The following PCSK6 variants were observed in gnomAD, a reference collection of about 807,000 sequenced individuals.
PCSK6 encodes the protein proprotein convertase subtilisin/kexin type 6, also known as paired basic amino acid cleaving enzyme 4.
Under a neutral mutation model 123.3 loss-of-function variants are expected in PCSK6, and 85 were observed. The ratio of observed to expected loss-of-function variants is 0.69; its 90% CI spans 0.58 to 0.83. The LOEUF (loss-of-function observed/expected upper bound fraction) is 0.83. Among genes scored for constraint, PCSK6 ranks in the 40% least tolerant of loss-of-function variants. The pLI, the probability that PCSK6 is intolerant of heterozygous loss-of-function variation, is 0.00. For missense variants in PCSK6, 1,191 were observed against 1,282.3 expected (o/e 0.93, Z 1.09); for synonymous variants, 508 against 516.0 (o/e 0.98, Z 0.21).
chr15:101,476,074 C>A (rs1050338330), intron 1 of PCSK6, among the ~76,000 whole-genome samples: 1 of 152,188 alleles, frequency 6.6e-6, no homozygotes, highest in Non-Finnish European at 1.5e-5. Flanking sequence ...CTGGCACCTA[C>A]AAGTTGTGTA....
At chr15:101,389,619 T>A in intron 8 of PCSK6, 55 bp from the exon 9 acceptor site, 1 of 1,446,414 alleles carries the variant, frequency 6.9e-7, no homozygotes, top group Non-Finnish European at 9.6e-7. Context: ...TAACTCACTC[T>A]GTGGAGAAGG....
At chr15:101,453,300 G>C (rs529490221) in intron 1 of PCSK6, among the ~76,000 whole-genome samples, 1 of 152,160 alleles carries the variant, frequency 6.6e-6, no homozygotes, top group Non-Finnish European at 1.5e-5. Context: ...TGTGCCCAGG[G>C]CCCATACCTC....
At chr15:101,444,925 C>T (rs1188775245) in intron 1 of PCSK6, among the ~76,000 whole-genome samples, 2 of 152,278 alleles carry the variant, frequency 1.3e-5, no homozygotes, top group South Asian at 2.1e-4. Context: ...GAGAGAGCCT[C>T]CCAGCCCCTT....
rs118062766 is a variant in PCSK6 at position 101,316,164 on chromosome 15, A to G, written c.2569+2155T>C. Among the ~76,000 whole-genome samples the G allele has an allele frequency of 3.7e-3, 563 of 152,318 alleles. 1 individual carries two copies. Among genetic ancestry groups the G allele is most frequent in the Non-Finnish European group, 6.6e-3 (446 of 68,018 alleles). ...ATGAGGTCCACACCTGACATGGAAC[A>G]AGAAGCCTCCAGTGACTCAGAGGAG... is the stretch of plus-strand genomic sequence containing the variant. On this transcript the variant is annotated intron_variant, in intron 19 of 21. Transcript: ENST00000611716.
At chr15:101,445,996 C>A (rs2056879356) in intron 1 of PCSK6, among the ~76,000 whole-genome samples, 1 of 152,240 alleles carries the variant, frequency 6.6e-6, no homozygotes, top group South Asian at 2.1e-4. Flanking sequence ...TTTGCAAAGG[C>A]CCCTGGGTCT....
chr15:101,468,775 AG>A, intron 1 of PCSK6, among the ~76,000 whole-genome samples: 1 of 152,340 alleles, frequency 6.6e-6, no homozygotes, highest in East Asian at 1.9e-4. Context: ...AGCTCTCTCT[AG>A]GATCAGCATG....
At chr15:101,401,433 T>C (rs1230047318) in intron 6 of PCSK6, among the ~76,000 whole-genome samples, 1 of 152,226 alleles carries the variant, frequency 6.6e-6, no homozygotes, top group Non-Finnish European at 1.5e-5. Flanking sequence ...TAGCCACCAG[T>C]GTCCAGGCAC....
At chr15:101,315,131 C>G (rs58581847) in intron 19 of PCSK6, among the ~76,000 whole-genome samples, 5,778 of 152,304 alleles carry the variant, frequency 0.038, 353 homozygotes, top group African/African-American at 0.13. Flanking sequence ...CTTGTTTGTA[C>G]TTAAGTTTCA....
chr15:101,383,123 AACAGGTCGG>A, intron 10 of PCSK6, among the ~76,000 whole-genome samples: 1 of 152,166 alleles, frequency 6.6e-6, no homozygotes, highest in Non-Finnish European at 1.5e-5. Context: ...AAGTCAGGCA[AACAGGTCGG>A]GCACAGTGGC....
chr15:101,306,662 C>T (rs1256100970), intron 21 of PCSK6, among the ~76,000 whole-genome samples: 2 of 152,200 alleles, frequency 1.3e-5, no homozygotes, highest in African/African-American at 4.8e-5. Flanking sequence ...GCTTTGGTGC[C>T]CTTTTAAGTT....
intron 1 of PCSK6, among the ~76,000 whole-genome samples, chr15:101,452,294 T>C (rs909717734): frequency 1.3e-5 from 2 of 152,224 alleles, no homozygotes; most frequent in African/African-American, 4.8e-5. Context: ...TCTCGGCCTA[T>C]ATTTTCAAGG....
chr15:101,446,366 C>A (rs1420795720), intron 1 of PCSK6, among the ~76,000 whole-genome samples: 1 of 152,240 alleles, frequency 6.6e-6, no homozygotes, highest in East Asian at 1.9e-4. Context: ...CCGTTATCTG[C>A]ACATCTCACA....
intron 6 of PCSK6, among the ~76,000 whole-genome samples, chr15:101,404,539 T>C (rs1010368146): frequency 2.0e-5 from 3 of 152,126 alleles, no homozygotes; most frequent in African/African-American, 7.2e-5. Flanking sequence ...GGCAAGATCG[T>C]GGCCGCCGGC....
At chr15:101,363,718 C>T (rs550236409) in intron 13 of PCSK6, among the ~76,000 whole-genome samples, 2 of 152,064 alleles carry the variant, frequency 1.3e-5, no homozygotes, top group South Asian at 2.1e-4. Context: ...TAAGCTCCGC[C>T]TCCCGGGTTC....
intron 13 of PCSK6, among the ~76,000 whole-genome samples, chr15:101,363,837 AC>A (rs2041309624): frequency 6.7e-6 from 1 of 149,470 alleles, no homozygotes; most frequent in East Asian, 2.0e-4. Flanking sequence ...ATGGGGTTTC[AC>A]CGTGTTAGCC....
chr15:101,335,570 G>T (rs1388220876), intron 13 of PCSK6, among the ~76,000 whole-genome samples: 1 of 152,178 alleles, frequency 6.6e-6, no homozygotes, highest in Non-Finnish European at 1.5e-5. Flanking sequence ...ATGAACATAT[G>T]TTTCCCCATC....
At chr15:101,482,082 T>C (rs1376393222) in intron 1 of PCSK6, among the ~76,000 whole-genome samples, 1 of 152,258 alleles carries the variant, frequency 6.6e-6, no homozygotes, top group Non-Finnish European at 1.5e-5. Context: ...CTCTTGTCTG[T>C]TCATTCTGGC....
intron 13 of PCSK6, among the ~76,000 whole-genome samples, chr15:101,354,029 C>G (rs2040969604): frequency 6.6e-6 from 1 of 152,226 alleles, no homozygotes; most frequent in Admixed American, 6.5e-5. Flanking sequence ...AGGTTGGAGG[C>G]TCGGAGCATG....
chr15:101,406,616 T>C (rs2042789065), intron 6 of PCSK6, among the ~76,000 whole-genome samples: 2 of 152,224 alleles, frequency 1.3e-5, no homozygotes, highest in Admixed American at 1.3e-4. Context: ...AAAAGGTTTC[T>C]GTCAACCCTC....
Sources: allele counts gnomAD v4.1 joint callset (sites outside exome capture counted in the v4.1 genomes callset), GRCh38; gene constraint gnomAD v4.1.1; transcripts MANE v1.5; gene names NCBI Gene and HGNC (gene_info 2026-07-23, HGNC 2026-07-21).